The following CDH18 variants were observed in gnomAD, a reference collection of about 807,000 sequenced individuals.
CDH18 encodes cadherin-18.
In CDH18, 31 loss-of-function variants were observed where a neutral mutation model predicts 67.9. The observed-to-expected ratio is 0.46, with a 90% CI of 0.34 to 0.62. The LOEUF (loss-of-function observed/expected upper bound fraction) is 0.62, where lower values mean the gene tolerates loss of function less well. CDH18 is among the 20% of genes least tolerant of loss of function. The pLI, the probability that CDH18 is intolerant of heterozygous loss-of-function variation, is 0.01. For missense variants in CDH18, 890 were observed against 975.5 expected (o/e 0.91, Z 1.17); for synonymous variants, 362 against 347.2 (o/e 1.04, Z -0.48).
At chr5:19,562,283 C>A (rs72737462) in intron 8 of CDH18, among the ~76,000 whole-genome samples, 2 of 152,100 alleles carry the variant, frequency 1.3e-5, no homozygotes, top group African/African-American at 4.8e-5. Flanking sequence ...CATTCAAACT[C>A]TTAATAATTT....
intron 2 of CDH18, among the ~76,000 whole-genome samples, chr5:20,246,185 C>A (rs1743364886): frequency 6.6e-6 from 1 of 152,182 alleles, no homozygotes; most frequent in African/African-American, 2.4e-5. Context: ...ATTAAATACA[C>A]AGAAATTAAG....
At chr5:20,075,611 A>T (rs1028359856) in intron 2 of CDH18, among the ~76,000 whole-genome samples, 4 of 152,228 alleles carry the variant, frequency 2.6e-5, no homozygotes, top group Non-Finnish European at 5.9e-5. Context: ...AAAGAAAATT[A>T]AAAAGTAAAA....
At chr5:20,025,059 C>A (rs1450071587) in intron 2 of CDH18, among the ~76,000 whole-genome samples, 1 of 152,164 alleles carries the variant, frequency 6.6e-6, no homozygotes, top group Non-Finnish European at 1.5e-5. Flanking sequence ...TATCCTTGAA[C>A]GTTCTGTTCC....
In CDH18 at chr5:20,327,698, A is replaced by T. The variant is rs987478569; in HGVS notation, c.-579-72193T>A. Among the ~76,000 whole-genome samples, 4 of 152,262 alleles carry T rather than the reference A, an allele frequency of 2.6e-5. No individual in the cohort carries two copies. The East Asian group carries it at 5.8e-4, about 22-fold the overall frequency. On this transcript the variant is annotated intron_variant, in intron 1 of 14. Coordinates refer to the CDH18 transcript ENST00000507958. ...TGCATATTTTCAGATGCTGATAAAA[A>T]AAATAAAGCTAAGGTATCCCTGGGA...
chr5:20,301,886 G>A (rs1204800463), intron 1 of CDH18, among the ~76,000 whole-genome samples: 1 of 143,840 alleles, frequency 7.0e-6, no homozygotes, highest in Non-Finnish European at 1.5e-5. Flanking sequence ...ATCAGCCCAT[G>A]AACAGTCAGA....
chr5:20,566,860 G>A (rs554041724), intron 1 of CDH18, among the ~76,000 whole-genome samples: 1 of 152,238 alleles, frequency 6.6e-6, no homozygotes, highest in South Asian at 2.1e-4. Context: ...TGCTTCAGAA[G>A]GCCTGCACCA....
intron 11 of CDH18, among the ~76,000 whole-genome samples, chr5:19,489,004 G>A (rs1338206889): frequency 6.6e-6 from 1 of 151,874 alleles, no homozygotes; most frequent in East Asian, 1.9e-4. Context: ...GTTCTGATCT[G>A]CACCCTGGAA....
At chr5:19,897,036 T>A (rs2150100639) in intron 2 of CDH18, among the ~76,000 whole-genome samples, 1 of 152,184 alleles carries the variant, frequency 6.6e-6, no homozygotes, top group East Asian at 1.9e-4. Flanking sequence ...CAAAGATATC[T>A]TAAAAACAAT....
At chr5:19,743,877 T>C (rs1162866530) in intron 4 of CDH18, among the ~76,000 whole-genome samples, 7 of 129,118 alleles carry the variant, frequency 5.4e-5, no homozygotes, top group Non-Finnish European at 7.6e-5. Context: ...GCCGAGATCA[T>C]GCCACTGCAC....
intron 1 of CDH18, among the ~76,000 whole-genome samples, chr5:20,333,033 G>A (rs527526636): frequency 5.4e-5 from 8 of 148,556 alleles, no homozygotes; most frequent in Admixed American, 1.3e-4. Flanking sequence ...CACTGATAAG[G>A]AACTTTTTTT....
chr5:19,994,855 T>TATATATATATAGAG (rs760777430), intron 2 of CDH18, among the ~76,000 whole-genome samples: 4 of 67,586 alleles, frequency 5.9e-5, no homozygotes, highest in Non-Finnish European at 7.6e-5. Context: ...TATATATATA[T>TATATATATATAGAG]AGAGAGAGAG....
At chr5:20,540,505 T>C (rs940721521) in intron 1 of CDH18, among the ~76,000 whole-genome samples, 4 of 152,178 alleles carry the variant, frequency 2.6e-5, no homozygotes, top group African/African-American at 9.6e-5. Flanking sequence ...TAAAACTCTG[T>C]GATAGCCAAA....
intron 2 of CDH18, among the ~76,000 whole-genome samples, chr5:20,226,541 C>T (rs1382304953): frequency 5.3e-5 from 8 of 151,820 alleles, no homozygotes; most frequent in African/African-American, 1.7e-4. Flanking sequence ...AAATAATTGT[C>T]GTTTTAAGGG....
At position 20,451,518 on chromosome 5, in the gene CDH18, A is replaced by C. The variant is rs116396601; in HGVS notation, c.-580+123944T>G. On this transcript the variant is annotated intron_variant, in intron 1 of 14. Coordinates refer to the CDH18 transcript ENST00000507958. Reference sequence around the variant, plus strand: ...TCAAATTTAAGAGAATAAATGGAGAAAAATATTTTAGAAAATTTTTGTTTA... The same window carrying C: ...TCAAATTTAAGAGAATAAATGGAGACAAATATTTTAGAAAATTTTTGTTTA... 7.6e-3 allele frequency among the ~76,000 whole-genome samples: 1,154 copies of C among 152,286 alleles called. 17 individuals are homozygous for C. Among genetic ancestry groups the C allele is most frequent in the African/African-American group, 0.027 (1,103 of 41,576 alleles).
At position 19,970,171 on chromosome 5, in the gene CDH18, C is replaced by T. The variant is rs1436893113; in HGVS notation, c.-257+10889G>A. Reference sequence around the variant, plus strand: ...TCCAGGGCAGCAAGAATAAAAAAGGCTCAGAATGAAATAGACAGAAAGAAG... The same window carrying T: ...TCCAGGGCAGCAAGAATAAAAAAGGTTCAGAATGAAATAGACAGAAAGAAG... On this transcript the variant is annotated intron_variant, in intron 2 of 12. Coordinates refer to ENST00000382275, the MANE Select transcript of CDH18 (RefSeq NM_004934.5). Among the ~76,000 whole-genome samples, 3 of 151,380 alleles carry T rather than the reference C, an allele frequency of 2.0e-5. No individual in the cohort carries two copies. The East Asian group carries it at 5.8e-4, about 30-fold the overall frequency.
intron 1 of CDH18, among the ~76,000 whole-genome samples, chr5:20,324,329 G>A (rs1478708982): frequency 2.0e-5 from 3 of 152,156 alleles, no homozygotes; most frequent in African/African-American, 4.8e-5. Flanking sequence ...CACGAGGTCA[G>A]GAGATGGAGA....
intron 2 of CDH18, among the ~76,000 whole-genome samples, chr5:19,857,298 C>T (rs952600164): frequency 2.6e-5 from 4 of 151,128 alleles, no homozygotes; most frequent in Non-Finnish European, 4.4e-5. Flanking sequence ...CTAGTCACAA[C>T]TGGAAAGCAT....
chr5:20,455,323 C>T (rs1192501446), intron 1 of CDH18, among the ~76,000 whole-genome samples: 2 of 151,968 alleles, frequency 1.3e-5, no homozygotes, highest in African/African-American at 4.8e-5. Flanking sequence ...AATTTGGAAC[C>T]ATCACTTTGC....
chr5:19,500,043 T>A (rs146290778), intron 11 of CDH18, among the ~76,000 whole-genome samples: 1 of 151,940 alleles, frequency 6.6e-6, no homozygotes, highest in Admixed American at 6.6e-5. Flanking sequence ...TTAACTTACA[T>A]AGGCACAGAA....
Sources: allele counts gnomAD v4.1 joint callset (sites outside exome capture counted in the v4.1 genomes callset), GRCh38; gene constraint gnomAD v4.1.1; transcripts MANE v1.5; gene names NCBI Gene and HGNC (gene_info 2026-07-23, HGNC 2026-07-21).